The following ZMYND8 variants were observed in gnomAD, a reference collection of about 807,000 sequenced individuals.
The protein encoded by ZMYND8 is MYND-type zinc finger-containing chromatin reader ZMYND8.
In ZMYND8, 37 loss-of-function variants were observed where a neutral mutation model predicts 140.8. The observed-to-expected ratio is 0.26, with a 90% CI of 0.20 to 0.35. The LOEUF (loss-of-function observed/expected upper bound fraction) is 0.35, where lower values mean the gene tolerates loss of function less well. Ranked by LOEUF, ZMYND8 falls within the 10% of genes least tolerant of loss-of-function variation. The pLI is 1.00. For synonymous variants in ZMYND8, 592 were observed against 597.1 expected (o/e 0.99, Z 0.12); for missense variants, 1,068 against 1,570.0 (o/e 0.68, Z 5.40).
intron 3 of ZMYND8, among the ~76,000 whole-genome samples, chr20:47,300,926 G>A (rs9753735): frequency 2.2e-5 from 3 of 136,592 alleles, no homozygotes; most frequent in African/African-American, 5.8e-5. Context: ...GTGTGTGTGT[G>A]TGTGTGTGTT....
intron 10 of ZMYND8, among the ~76,000 whole-genome samples, chr20:47,279,817 CTG>C (rs2076492922): frequency 6.6e-6 from 1 of 150,458 alleles, no homozygotes; most frequent in African/African-American, 2.4e-5. Flanking sequence ...TTTTACATAA[CTG>C]TGCATCTATA....
At chr20:47,325,197 A>AG (rs1256849719) in intron 2 of ZMYND8, among the ~76,000 whole-genome samples, 21 of 152,182 alleles carry the variant, frequency 1.4e-4, no homozygotes, top group African/African-American at 3.9e-4. Context: ...GAGCCACCAC[A>AG]CCTGGCCCAT....
At chr20:47,356,347 G>T in intron 1 of ZMYND8, 15 of 1,409,450 alleles carry the variant, frequency 1.1e-5, no homozygotes, top group Non-Finnish European at 1.3e-5. Flanking sequence ...AAAAAAAAAA[G>T]AAGGAAAAAA....
chr20:47,224,200 G>C, intron 19 of ZMYND8, 117 bp downstream of exon 19: 2 of 1,501,450 alleles, frequency 1.3e-6, no homozygotes, highest in Non-Finnish European at 1.8e-6. Context: ...GAGTGAAAGT[G>C]TCCAGAAGCC....
At chr20:47,286,095 G>A (rs2076903149) in intron 8 of ZMYND8, among the ~76,000 whole-genome samples, 1 of 151,602 alleles carries the variant, frequency 6.6e-6, no homozygotes, top group African/African-American at 2.4e-5. Flanking sequence ...GTGTGATGGT[G>A]CACCCAGTCC....
rs2040601386 is a variant in ZMYND8, at chr20:47,246,650, A to G, written c.1775-133T>C. 15 of 1,266,270 alleles carry G rather than the reference A, an allele frequency of 1.2e-5. No homozygotes were observed. In the South Asian group the frequency reaches 2.2e-4, roughly 19 times the overall value. The allele number at this position is 1,266,270 out of a possible 1,614,324, so 78.4% of individuals were successfully genotyped here. ...TTCAAATCGCATCACATTGGCCTAA[A>G]TGGGGCCAGTAATAATCTCAAGTGG... On this transcript the variant is annotated intron_variant, in intron 13 of 22. Coordinates refer to ENST00000471951, the MANE Select transcript of ZMYND8 (RefSeq NM_001281775.3).
intron 2 of ZMYND8, among the ~76,000 whole-genome samples, chr20:47,345,655 A>G: frequency 6.6e-6 from 1 of 152,032 alleles, no homozygotes; most frequent in Middle Eastern, 3.2e-3. Flanking sequence ...TTATAGGCAC[A>G]TGCTGCCACG....
At chr20:47,316,148 T>C (rs751130286) in intron 2 of ZMYND8, among the ~76,000 whole-genome samples, 3 of 151,824 alleles carry the variant, frequency 2.0e-5, no homozygotes, top group African/African-American at 7.3e-5. Context: ...CTGACCAACA[T>C]GGTGAAACCC....
intron 2 of ZMYND8, among the ~76,000 whole-genome samples, chr20:47,323,402 C>T (rs569394487): frequency 2.0e-5 from 3 of 151,994 alleles, no homozygotes; most frequent in Non-Finnish European, 4.4e-5. Context: ...ATACCATGAC[C>T]ACTTAATTTT....
At chr20:47,325,141 G>T (rs1341427119) in intron 2 of ZMYND8, among the ~76,000 whole-genome samples, 1 of 152,174 alleles carries the variant, frequency 6.6e-6, no homozygotes. Flanking sequence ...CTGACCTCAG[G>T]TGATTCACCC....
chr20:47,290,389 C>T (rs892465523), intron 6 of ZMYND8, 115 bp from the exon 7 acceptor site: 5 of 790,910 alleles, frequency 6.3e-6, no homozygotes, highest in Admixed American at 5.9e-5. Context: ...AATTAGTGTT[C>T]TTCTATTCAT....
At chr20:47,336,112 A>G (rs1272083090) in intron 2 of ZMYND8, among the ~76,000 whole-genome samples, 2 of 152,250 alleles carry the variant, frequency 1.3e-5, no homozygotes, top group Non-Finnish European at 2.9e-5. Flanking sequence ...GTTTCCTTGA[A>G]AAATGACAGA....
At chr20:47,273,819 G>C (rs967334020) in intron 11 of ZMYND8, among the ~76,000 whole-genome samples, 2 of 152,294 alleles carry the variant, frequency 1.3e-5, no homozygotes, top group East Asian at 3.9e-4. Context: ...AATAGTTGCA[G>C]AGTTGGAAAA....
At chr20:47,239,292 A>C (rs1260172970) in intron 14 of ZMYND8, among the ~76,000 whole-genome samples, 154 bp from the exon 15 acceptor site, 4 of 152,240 alleles carry the variant, frequency 2.6e-5, no homozygotes, top group African/African-American at 9.6e-5. Flanking sequence ...GGAGGAGTAC[A>C]TTCTCACCTA....
chr20:47,252,239 G>A (rs1490903497), intron 12 of ZMYND8, among the ~76,000 whole-genome samples: 2 of 146,532 alleles, frequency 1.4e-5, no homozygotes. Flanking sequence ...GTTGCAGTGA[G>A]CGAGATCGCA....
chr20:47,249,878 C>T (rs147928386), intron 12 of ZMYND8, among the ~76,000 whole-genome samples: 35 of 151,866 alleles, frequency 2.3e-4, no homozygotes, highest in East Asian at 9.7e-4. Flanking sequence ...AGAAAGATGG[C>T]GACCCCCTCG....
chr20:47,317,853 C>T (rs1331853343), intron 2 of ZMYND8, among the ~76,000 whole-genome samples: 1 of 152,124 alleles, frequency 6.6e-6, no homozygotes, highest in South Asian at 2.1e-4. Flanking sequence ...GGCAACTTAA[C>T]CTCTCTGTGC....
chr20:47,309,367 G>A (rs909637225), intron 3 of ZMYND8, among the ~76,000 whole-genome samples: 1 of 151,566 alleles, frequency 6.6e-6, no homozygotes, highest in Non-Finnish European at 1.5e-5. Flanking sequence ...GTGCAGTGGC[G>A]CGATCTCGGC....
In ZMYND8 at chr20:47,298,326, T is replaced by G; in HGVS notation, c.453+403A>C. ...TGCAACCAAACGTGGTCTTCTCAGC[T>G]TGGCTACTGCTGATGATTCAATGAT... On this transcript the variant is annotated intron_variant, in intron 4 of 22. Coordinates refer to ENST00000471951, the MANE Select transcript of ZMYND8 (RefSeq NM_001281775.3). The surrounding 1 kb of genome is among the most constrained non-coding windows in gnomAD (Gnocchi z 5.0). 2 of 985,406 alleles carry G rather than the reference T, an allele frequency of 2.0e-6. No homozygotes were observed. Among genetic ancestry groups the G allele is most frequent in the African/African-American group, 3.5e-5 (2 of 57,358 alleles). 61.0% of individuals were successfully genotyped at this position (985,406 alleles called of 1,614,324 possible). A position where few individuals can be genotyped will look rare whatever the true frequency, so the allele number is the denominator to read the frequency against.
Sources: allele counts gnomAD v4.1 joint callset (sites outside exome capture counted in the v4.1 genomes callset), GRCh38; gene constraint gnomAD v4.1.1; non-coding constraint Gnocchi (gnomAD v3.1); transcripts MANE v1.5; gene names NCBI Gene and HGNC (gene_info 2026-07-23, HGNC 2026-07-21).